Variants in NCKAP5 observed in about 807,000 individuals in gnomAD.
NCKAP5 encodes the protein NCK associated protein 5, also known as nck-associated protein 5.
In NCKAP5, 92 loss-of-function variants were observed where a neutral mutation model predicts 167.0. The ratio of observed to expected loss-of-function variants is 0.55; its 90% CI spans 0.47 to 0.66. The LOEUF (loss-of-function observed/expected upper bound fraction) is 0.66, where lower values mean the gene tolerates loss of function less well. NCKAP5 is among the 30% of genes least tolerant of loss of function. The probability of loss-of-function intolerance (pLI) is 0.00; values close to 1 mark genes in which losing one functional copy is unlikely to be tolerated. For missense variants in NCKAP5, 2,378 were observed against 2,315.0 expected (o/e 1.03, Z -0.56); for synonymous variants, 891 against 877.4 (o/e 1.02, Z -0.27).
chr2:132,874,725 C>T (rs150585232), intron 9 of NCKAP5, among the ~76,000 whole-genome samples: 4 of 152,106 alleles, frequency 2.6e-5, no homozygotes, highest in African/African-American at 7.2e-5. Flanking sequence ...TCCAACTTTT[C>T]GTGCAGAAGC....
At chr2:132,688,229 A>G (rs1418425324) in intron 19 of NCKAP5, among the ~76,000 whole-genome samples, 2 of 152,194 alleles carry the variant, frequency 1.3e-5, no homozygotes, top group Non-Finnish European at 2.9e-5. Flanking sequence ...TGATGATTTT[A>G]AGGGGGATAA....
chr2:133,621,106 C>T, the NCKAP5 span, among the ~76,000 whole-genome samples: 47 of 152,062 alleles, frequency 3.1e-4, no homozygotes, highest in Admixed American at 2.7e-3. Flanking sequence ...CAAAATTTCT[C>T]GGATACAGCA....
chr2:133,189,645 A>C (rs1363710062), intron 5 of NCKAP5, among the ~76,000 whole-genome samples: 1 of 152,218 alleles, frequency 6.6e-6, no homozygotes, highest in Non-Finnish European at 1.5e-5. Flanking sequence ...CAAATCAATA[A>C]ATGTAATCCA....
intron 6 of NCKAP5, among the ~76,000 whole-genome samples, chr2:133,096,066 T>G (rs534128828): frequency 6.6e-6 from 1 of 152,316 alleles, no homozygotes; most frequent in Admixed American, 6.5e-5. Flanking sequence ...TAATACGGTG[T>G]TATATCCCTT....
At chr2:133,357,348 A>G (rs1395912325) in intron 3 of NCKAP5, among the ~76,000 whole-genome samples, 2 of 150,920 alleles carry the variant, frequency 1.3e-5, no homozygotes, top group Non-Finnish European at 3.0e-5. Flanking sequence ...GGCTAATGTG[A>G]ATATAGGGTC....
At chr2:133,581,106 T>C in the NCKAP5 span, among the ~76,000 whole-genome samples, 8 of 152,208 alleles carry the variant, frequency 5.3e-5, no homozygotes, top group Non-Finnish European at 1.0e-4. Context: ...AATGATCTCA[T>C]CACAAATTAA....
chr2:133,407,215 TG>T lies in NCKAP5; in HGVS notation c.70-104106del. Among the ~76,000 whole-genome samples the T allele has an allele frequency of 3.9e-5, 6 of 152,362 alleles. No individual in the cohort carries two copies. The South Asian group carries it at 1.2e-3, about 32-fold the overall frequency. ...GGAGGAGGATCTTTTGTTCAGGTGC[TG>T]AACAGTGAAGATTTTCAAGTTTTCT... On this transcript the variant is annotated intron_variant, in intron 3 of 19. Coordinates refer to ENST00000409261, the MANE Select transcript of NCKAP5 (RefSeq NM_207363.3).
chr2:133,288,319 G>C (rs956953031), intron 4 of NCKAP5, among the ~76,000 whole-genome samples: 2 of 152,134 alleles, frequency 1.3e-5, no homozygotes, highest in Admixed American at 6.5e-5. Context: ...TGACGTCAAA[G>C]AATTTCTATT....
At chr2:133,227,284 C>T (rs1054380381) in intron 4 of NCKAP5, among the ~76,000 whole-genome samples, 6 of 152,208 alleles carry the variant, frequency 3.9e-5, no homozygotes, top group Non-Finnish European at 5.9e-5. Flanking sequence ...CACACATAAT[C>T]TCAGCCATAG....
intron 6 of NCKAP5, among the ~76,000 whole-genome samples, chr2:133,056,327 A>C (rs184530783): frequency 1.2e-3 from 181 of 152,232 alleles, no homozygotes; most frequent in Middle Eastern, 6.8e-3. Context: ...CCAACATATT[A>C]TTAGTTTCAA....
chr2:133,337,517 T>C (rs1390458348), intron 3 of NCKAP5, among the ~76,000 whole-genome samples: 2 of 152,198 alleles, frequency 1.3e-5, no homozygotes, highest in Non-Finnish European at 2.9e-5. Flanking sequence ...TATTTGGAGA[T>C]AGGATCTTTA....
At chr2:133,617,104 C>A in the NCKAP5 span, among the ~76,000 whole-genome samples, 1,080 of 152,198 alleles carry the variant, frequency 7.1e-3, 14 homozygotes, top group African/African-American at 0.025. Flanking sequence ...ATTCAACAGC[C>A]CTTCATGCTA....
intron 3 of NCKAP5, among the ~76,000 whole-genome samples, chr2:133,502,789 C>G (rs916287848): frequency 6.6e-6 from 1 of 152,154 alleles, no homozygotes; most frequent in African/African-American, 2.4e-5. Context: ...AATAGAAGCA[C>G]AGTACTTCGG....
chr2:132,831,323 C>T (rs1687509051), intron 11 of NCKAP5, among the ~76,000 whole-genome samples: 1 of 152,286 alleles, frequency 6.6e-6, no homozygotes, highest in Non-Finnish European at 1.5e-5. Flanking sequence ...CAAGAACTGG[C>T]ATTTCTGGGG....
At chr2:133,263,857 G>A (rs2089043568) in intron 4 of NCKAP5, among the ~76,000 whole-genome samples, 1 of 152,124 alleles carries the variant, frequency 6.6e-6, no homozygotes, top group Admixed American at 6.5e-5. Flanking sequence ...TCTAAGTACA[G>A]AAAATTGCTT....
intron 19 of NCKAP5, among the ~76,000 whole-genome samples, chr2:132,686,811 C>T (rs1220639684): frequency 4.6e-5 from 7 of 151,984 alleles, no homozygotes; most frequent in African/African-American, 7.3e-5. Flanking sequence ...ATTTAGAAAG[C>T]GGAGATAATA....
intron 4 of NCKAP5, among the ~76,000 whole-genome samples, chr2:133,243,311 C>T (rs1410073470): frequency 6.6e-6 from 1 of 152,132 alleles, no homozygotes; most frequent in Non-Finnish European, 1.5e-5. Flanking sequence ...TGATGAGATT[C>T]TCAAAACAAA....
intron 6 of NCKAP5, among the ~76,000 whole-genome samples, chr2:133,112,646 A>G (rs1290180026): frequency 6.6e-6 from 1 of 152,212 alleles, no homozygotes; most frequent in Admixed American, 6.5e-5. Flanking sequence ...TGCAGCTGAA[A>G]CCATCAACTA....
chr2:133,333,193 A>C (rs988011621), intron 3 of NCKAP5, among the ~76,000 whole-genome samples: 1 of 152,200 alleles, frequency 6.6e-6, no homozygotes, highest in African/African-American at 2.4e-5. Flanking sequence ...CAGCTCCTAG[A>C]GTTTCATAGG....
Sources: gnomAD v4.1 joint callset for allele counts (sites outside exome capture counted in the v4.1 genomes callset) on GRCh38, gnomAD v4.1.1 for gene constraint, MANE v1.5 for transcripts, NCBI Gene and HGNC (gene_info 2026-07-23, HGNC 2026-07-21) for gene names.